DGLUCY: variants seen among roughly 807,000 people sequenced by gnomAD.
DGLUCY encodes D-glutamate cyclase, mitochondrial.
A neutral mutation model predicts 58.5 loss-of-function variants in DGLUCY; 58 were observed. The ratio of observed to expected loss-of-function variants is 0.99; its 90% CI spans 0.80 to 1.23. The LOEUF is 1.23. DGLUCY is among the 50% of genes most tolerant of loss of function. DGLUCY has a pLI of 0.00. For missense variants in DGLUCY, 779 were observed against 784.7 expected (o/e 0.99, Z 0.09); for synonymous variants, 325 against 314.1 (o/e 1.03, Z -0.37).
At chr14:91,205,793 T>TTTCTTCGTCTTCGTCTTCGTCTTCG (rs1884524591) in intron 12 of DGLUCY, among the ~76,000 whole-genome samples, 1 of 141,766 alleles carries the variant, frequency 7.1e-6, no homozygotes, top group African/African-American at 3.0e-5. Context: ...CTTCTTCTTC[T>TTTCTTCGTCTTCGTCTTCGTCTTCG]TCTCCGTCTC....
Position 91,167,288 on chromosome 14 carries a change from G to A in DGLUCY, c.167G>A (p.Cys56Tyr), listed in dbSNP as rs1415491126. 1 of 1,612,822 alleles carries A rather than the reference G, an allele frequency of 6.2e-7. No individual in the cohort carries two copies. Among genetic ancestry groups the A allele is most frequent in the Non-Finnish European group, 8.5e-7 (1 of 1,179,736 alleles). The change falls in exon 4 of 14, where the codon TGC (cysteine) becomes TAC (tyrosine). Residue 56 changes from cysteine to tyrosine, a missense_variant. Physicochemically the swap from Cys to Tyr is radical, Grantham distance 194. Transcript: ENST00000256324. Reference sequence around the variant, plus strand: ...CTTGCTCCAGCTTTTGAAAGATTCTGCCAGGTCAACACTGGTCCTCTACCC... The same window carrying A: ...CTTGCTCCAGCTTTTGAAAGATTCTACCAGGTCAACACTGGTCCTCTACCC... ...RSLAPAFERF[C>Y]QVNTGPLPLL...
At chr14:91,096,168 C>G (rs1397640237) in intron 1 of DGLUCY, among the ~76,000 whole-genome samples, 9 of 152,148 alleles carry the variant, frequency 5.9e-5, no homozygotes, top group Non-Finnish European at 2.9e-5. Context: ...CGCGGTGGCA[C>G]TTTGGGAGGC....
At chr14:91,162,634 C>T (rs750685017) in intron 3 of DGLUCY, among the ~76,000 whole-genome samples, 7 of 152,184 alleles carry the variant, frequency 4.6e-5, no homozygotes, top group Admixed American at 6.5e-5. Flanking sequence ...CGGTGGCGCA[C>T]GCCTGTAATC....
chr14:91,145,609 T>C (rs146432650), intron 1 of DGLUCY, among the ~76,000 whole-genome samples: 4 of 152,260 alleles, frequency 2.6e-5, no homozygotes, highest in African/African-American at 9.6e-5. Flanking sequence ...AGAGCATCCT[T>C]GTCCCAACTG....
chr14:91,061,362 A>T (rs866804985), intron 1 of DGLUCY, among the ~76,000 whole-genome samples: 36 of 152,246 alleles, frequency 2.4e-4, no homozygotes, highest in African/African-American at 8.2e-4. Context: ...TCTGTTTCGT[A>T]CAAGACTCTT....
intron 13 of DGLUCY, chr14:91,223,841 C>A (rs1887847784): frequency 6.3e-6 from 3 of 474,754 alleles, no homozygotes; most frequent in Non-Finnish European, 3.4e-6. Flanking sequence ...ATGATGAGTA[C>A]TTTTATCATC....
At chr14:91,127,641 C>T (rs907179272) in intron 1 of DGLUCY, among the ~76,000 whole-genome samples, 34 of 152,246 alleles carry the variant, frequency 2.2e-4, no homozygotes, top group Admixed American at 2.2e-3. Context: ...GGGGAAACTG[C>T]TTCTTCCGGT....
At chr14:91,218,584 A>G (rs557585607) in intron 13 of DGLUCY, among the ~76,000 whole-genome samples, 7 of 151,662 alleles carry the variant, frequency 4.6e-5, no homozygotes, top group Admixed American at 2.0e-4. Context: ...TGTATTTTTA[A>G]TGGTGACGGG....
intron 10 of DGLUCY, among the ~76,000 whole-genome samples, chr14:91,198,696 T>C (rs1281557418): frequency 1.3e-5 from 2 of 152,164 alleles, no homozygotes; most frequent in Non-Finnish European, 2.9e-5. Flanking sequence ...CTAGTAATCA[T>C]AGCAACAATA....
At chr14:91,133,274 G>A (rs867607355) in intron 1 of DGLUCY, among the ~76,000 whole-genome samples, 3 of 152,040 alleles carry the variant, frequency 2.0e-5, no homozygotes, top group Admixed American at 1.3e-4. Flanking sequence ...CAGCCTGGGT[G>A]ACAACAGCAA....
intron 1 of DGLUCY, among the ~76,000 whole-genome samples, chr14:91,066,557 G>A (rs1461205509): frequency 6.6e-6 from 1 of 152,006 alleles, no homozygotes; most frequent in Non-Finnish European, 1.5e-5. Context: ...TCTTCACTGA[G>A]AAGCGGAGAG....
chr14:91,138,317 C>T (rs934477186), intron 1 of DGLUCY, among the ~76,000 whole-genome samples: 2 of 152,068 alleles, frequency 1.3e-5, no homozygotes, highest in African/African-American at 4.8e-5. Context: ...CATGGAGAAA[C>T]CCCATCTCTA....
At chr14:91,176,272 C>A (rs1456254160) in intron 7 of DGLUCY, among the ~76,000 whole-genome samples, 1 of 152,132 alleles carries the variant, frequency 6.6e-6, no homozygotes, top group Non-Finnish European at 1.5e-5. Context: ...TGTTGCCAGG[C>A]TAGAGTGCTG....
intron 1 of DGLUCY, among the ~76,000 whole-genome samples, chr14:91,134,440 CT>C (rs960149078): frequency 1.1e-3 from 156 of 144,420 alleles, no homozygotes; most frequent in African/African-American, 2.3e-3. Context: ...AATTACATTT[CT>C]TTTTTTTTTT....
At chr14:91,139,115 A>G (rs2046505745) in intron 1 of DGLUCY, among the ~76,000 whole-genome samples, 1 of 152,182 alleles carries the variant, frequency 6.6e-6, no homozygotes, top group African/African-American at 2.4e-5. Flanking sequence ...ACTATCTGCC[A>G]TCTGCAAGCT....
At chr14:91,075,805 T>C (rs1052877558) in intron 1 of DGLUCY, among the ~76,000 whole-genome samples, 2 of 152,202 alleles carry the variant, frequency 1.3e-5, no homozygotes, top group African/African-American at 4.8e-5. Flanking sequence ...GTGCCAGTGC[T>C]ACAGAGGTTA....
rs2048505371 is a variant in DGLUCY at position 91,170,255 on chromosome 14, A to G, written c.456+54A>G. 3 of 1,570,426 alleles carry G rather than the reference A, an allele frequency of 1.9e-6. No individual in the cohort carries two copies. In the Admixed American group the frequency reaches 5.3e-5, roughly 28 times the overall value. Reference sequence around the variant, plus strand: ...GCAGAATGGCCTGAAGATGCAGATCAACTTACATATTCCTGGGGTGGGGAG... The same window carrying G: ...GCAGAATGGCCTGAAGATGCAGATCGACTTACATATTCCTGGGGTGGGGAG... On this transcript the variant is annotated intron_variant, in intron 5 of 13. Transcript: ENST00000256324.
intron 10 of DGLUCY, among the ~76,000 whole-genome samples, chr14:91,198,687 T>A (rs1412998283): frequency 1.3e-5 from 2 of 152,180 alleles, no homozygotes; most frequent in East Asian, 3.8e-4. Context: ...GTAGTCCTGC[T>A]AGTAATCATA....
At chr14:91,141,386 A>G (rs1277032663) in intron 1 of DGLUCY, among the ~76,000 whole-genome samples, 1 of 151,694 alleles carries the variant, frequency 6.6e-6, no homozygotes, top group African/African-American at 2.4e-5. Flanking sequence ...AAAAAAAAAG[A>G]AAAGGAAAAA....
Sources: gnomAD v4.1 joint callset for allele counts (sites outside exome capture counted in the v4.1 genomes callset) on GRCh38, gnomAD v4.1.1 for gene constraint, MANE v1.5 for transcripts, NCBI Gene and HGNC (gene_info 2026-07-23, HGNC 2026-07-21) for gene names.